The following CEP83 variants were observed in gnomAD, a reference collection of about 807,000 sequenced individuals.
The protein encoded by CEP83 is centrosomal protein of 83 kDa.
A neutral mutation model predicts 101.9 loss-of-function variants in CEP83; 70 were observed. The observed-to-expected ratio is 0.69, with a 90% CI of 0.57 to 0.84. The LOEUF (loss-of-function observed/expected upper bound fraction) is 0.84, where lower values mean the gene tolerates loss of function less well. Among genes scored for constraint, CEP83 ranks in the 40% least tolerant of loss-of-function variants. CEP83 has a pLI of 0.00. For synonymous variants in CEP83, 264 were observed against 267.9 expected, an observed-to-expected ratio of 0.99 and a Z score of 0.14; for missense variants, 715 against 787.2, an observed-to-expected ratio of 0.91 and a Z score of 1.10.
chr12:94,369,719 TAA>T (rs1398323449), intron 9 of CEP83: 22 of 401,758 alleles, frequency 5.5e-5, no homozygotes, highest in Middle Eastern at 1.3e-3. Context: ...GATAAAAACA[TAA>T]GACTGATTTT....
chr12:94,384,607 G>A (rs756857442), intron 6 of CEP83, among the ~76,000 whole-genome samples: 4 of 152,114 alleles, frequency 2.6e-5, no homozygotes, highest in Non-Finnish European at 5.9e-5. Flanking sequence ...TCTCTAGTCT[G>A]TTCAGATTGG....
At chr12:94,360,452 A>T (rs182727689) in intron 11 of CEP83, among the ~76,000 whole-genome samples, 16 of 152,168 alleles carry the variant, frequency 1.1e-4, no homozygotes, top group Admixed American at 3.3e-4. Flanking sequence ...ACATACAAAA[A>T]TCAGTAGCAT....
chr12:94,413,307 G>A (rs2064027155), intron 2 of CEP83, among the ~76,000 whole-genome samples: 1 of 152,188 alleles, frequency 6.6e-6, no homozygotes. Flanking sequence ...ACATCTTCAA[G>A]TATTAACCTA....
chr12:94,289,714 C>T, the CEP83 span, among the ~76,000 whole-genome samples: 6,903 of 152,222 alleles, frequency 0.045, 215 homozygotes, highest in Non-Finnish European at 0.072. Flanking sequence ...AAAAAGAAAA[C>T]GGAAACCTTT....
At chr12:94,368,314 T>C in intron 9 of CEP83, 113 bp from the exon 10 acceptor site, 1 of 700,272 alleles carries the variant, frequency 1.4e-6, no homozygotes, top group Non-Finnish European at 2.3e-6. Flanking sequence ...AGAAAGTCTC[T>C]ACAAATATAT....
At chr12:94,442,193 A>G (rs2066462597) in intron 1 of CEP83, among the ~76,000 whole-genome samples, 3 of 151,990 alleles carry the variant, frequency 2.0e-5, no homozygotes. Context: ...ACAGCAACTG[A>G]GATGGCATTG....
At chr12:94,333,062 A>C (rs911706240) in intron 13 of CEP83, among the ~76,000 whole-genome samples, 30 of 150,928 alleles carry the variant, frequency 2.0e-4, no homozygotes, top group East Asian at 9.7e-4. Flanking sequence ...AAAAAAAAAA[A>C]AAACAAATAA....
downstream of CEP83, chr12:94,306,545 A>G (rs762021914): frequency 5.3e-5 from 8 of 152,194 alleles, no homozygotes; most frequent in Non-Finnish European, 1.0e-4. Flanking sequence ...TTAAACCAGA[A>G]GAAGTAAACA....
intron 1 of CEP83, among the ~76,000 whole-genome samples, chr12:94,437,204 G>C (rs1236155596): frequency 6.6e-6 from 1 of 152,016 alleles, no homozygotes; most frequent in Non-Finnish European, 1.5e-5. Flanking sequence ...AAATTACCTA[G>C]GCATGGTGGT....
chr12:94,298,200 T>C, the CEP83 span, among the ~76,000 whole-genome samples: 1 of 152,208 alleles, frequency 6.6e-6, no homozygotes, highest in East Asian at 1.9e-4. Context: ...CTTTGGAAAG[T>C]ACACAATAAA....
chr12:94,268,672 G>A, the CEP83 span, among the ~76,000 whole-genome samples: 2 of 138,026 alleles, frequency 1.4e-5, no homozygotes, highest in Non-Finnish European at 3.0e-5. Context: ...TTGGCTCACT[G>A]CAACCTCCGC....
intron 11 of CEP83, among the ~76,000 whole-genome samples, chr12:94,359,912 C>G (rs547239642): frequency 5.1e-4 from 78 of 152,136 alleles, no homozygotes; most frequent in African/African-American, 1.7e-3. Context: ...TCCAGCAACA[C>G]GTTAAAAAGA....
At chr12:94,300,350 C>T in the CEP83 span, among the ~76,000 whole-genome samples, 3 of 152,258 alleles carry the variant, frequency 2.0e-5, no homozygotes, top group South Asian at 2.1e-4. Context: ...ATGAGACTAC[C>T]TGAGGCAAGA....
intron 6 of CEP83, among the ~76,000 whole-genome samples, chr12:94,385,460 A>G (rs2062086164): frequency 1.3e-5 from 2 of 152,250 alleles, no homozygotes; most frequent in South Asian, 4.2e-4. Context: ...TAGTGACAGC[A>G]TGGCAGAGGA....
chr12:94,373,679 A>G lies in CEP83; in HGVS notation c.933+2207T>C, dbSNP rs141388118. Among the ~76,000 whole-genome samples, 27 of 152,324 alleles carry G rather than the reference A, an allele frequency of 1.8e-4. No individual in the cohort carries two copies. In the East Asian group the frequency reaches 5.2e-3, roughly 29 times the overall value. On this transcript the variant is annotated intron_variant, in intron 8 of 16. Transcript: ENST00000397809. ...AATGTGAAATCTCTTTAAGGTCATC[A>G]TTTTCAGGCCATCTTTGGTAATACC...
chr12:94,295,775 C>A, the CEP83 span, among the ~76,000 whole-genome samples: 1 of 152,200 alleles, frequency 6.6e-6, no homozygotes, highest in Admixed American at 6.5e-5. Flanking sequence ...CCAGGGCCCT[C>A]CACACAGCCT....
chr12:94,276,626 C>T, the CEP83 span, among the ~76,000 whole-genome samples: 1 of 152,216 alleles, frequency 6.6e-6, no homozygotes, highest in African/African-American at 2.4e-5. Flanking sequence ...CTCTGTGCCT[C>T]AGTTCCCTCA....
chr12:94,268,208 A>G, the CEP83 span, among the ~76,000 whole-genome samples: 2 of 152,162 alleles, frequency 1.3e-5, no homozygotes, highest in Admixed American at 1.3e-4. Context: ...TCAGATGAGG[A>G]TGTGTTCTCC....
chr12:94,455,343 T>A (rs1350383165), intron 1 of CEP83, among the ~76,000 whole-genome samples: 1 of 152,208 alleles, frequency 6.6e-6, no homozygotes, highest in South Asian at 2.1e-4. Context: ...GGAAAATCCC[T>A]ATAGTCCAAT....
Sources: gnomAD v4.1 joint callset for allele counts (sites outside exome capture counted in the v4.1 genomes callset) on GRCh38, gnomAD v4.1.1 for gene constraint, MANE v1.5 for transcripts, NCBI Gene and HGNC (gene_info 2026-07-23, HGNC 2026-07-21) for gene names.